RSPO3: variants seen among roughly 807,000 people sequenced by gnomAD.
RSPO3 encodes R-spondin-3.
Under a neutral mutation model 36.5 loss-of-function variants are expected in RSPO3, and 17 were observed. That is an observed-to-expected ratio of 0.47 (90% CI 0.32 to 0.70). The LOEUF is 0.70. Ranked by LOEUF, RSPO3 falls within the 30% of genes least tolerant of loss-of-function variation. RSPO3 has a pLI of 0.04. For missense variants in RSPO3, 294 were observed against 322.5 expected (o/e 0.91, Z 0.68); for synonymous variants, 108 against 107.0 (o/e 1.01, Z -0.06).
chr6:127,144,640 C>CTTTTTTTTTTTTTTTT lies in RSPO3; in HGVS notation c.98-4006_98-4005insTTTTTTTTTTTTTTTT, dbSNP rs140423963. Among the ~76,000 whole-genome samples, 71 of 61,282 alleles carry CTTTTTTTTTTTTTTTT rather than the reference C, an allele frequency of 1.2e-3. 1 individual carries two copies. The highest frequency in any genetic ancestry group is 2.4e-3 in the East Asian group (5 of 2,086). The allele number at this position is 61,282 out of a possible 152,430, so 40.2% of individuals were successfully genotyped here. A position where few individuals can be genotyped will look rare whatever the true frequency, so the allele number is the denominator to read the frequency against. On this transcript the variant is annotated intron_variant, in intron 1 of 4. Transcript: ENST00000356698. Reference sequence around the variant, plus strand: ...TTCTGTAATTTTTCAGTAGCTTCCCCTTGTTTTTTTTTTTTTCAGACAGAG... The same window carrying CTTTTTTTTTTTTTTTT: ...TTCTGTAATTTTTCAGTAGCTTCCCCTTTTTTTTTTTTTTTTTTGTTTTTTTTTTTTTCAGACAGAG...
At chr6:127,140,528 A>G (rs1214373449) in intron 1 of RSPO3, among the ~76,000 whole-genome samples, 1 of 152,192 alleles carries the variant, frequency 6.6e-6, no homozygotes, top group Admixed American at 6.5e-5. Context: ...TGCTAGTTAG[A>G]ACATTTTCAT....
At position 127,171,805 on chromosome 6, in the gene RSPO3, A is replaced by G. The variant is rs554618697; in HGVS notation, c.634+16367A>G. Among the ~76,000 whole-genome samples the G allele has an allele frequency of 4.1e-4, 62 of 151,818 alleles. No homozygotes were observed. The South Asian group carries it at 4.6e-3, about 11-fold the overall frequency. ...AGGAGCTTGGGAGAACTACTCTGAA[A>G]ACTTTTTATATAAACTCTAAGGAGG... On this transcript the variant is annotated intron_variant, in intron 4 of 4. Coordinates refer to ENST00000356698, the MANE Select transcript of RSPO3 (RefSeq NM_032784.5).
intron 4 of RSPO3, among the ~76,000 whole-genome samples, chr6:127,189,525 T>C (rs146331664): frequency 3.0e-4 from 46 of 152,292 alleles, no homozygotes; most frequent in African/African-American, 1.0e-3. Context: ...TCCTAAAGTT[T>C]ATACTCAGTG....
At chr6:127,160,811 C>T (rs1774695902) in intron 4 of RSPO3, among the ~76,000 whole-genome samples, 1 of 152,128 alleles carries the variant, frequency 6.6e-6, no homozygotes, top group African/African-American at 2.4e-5. Flanking sequence ...AACCCTGCCT[C>T]CAGAGTCAAG....
At chr6:127,175,248 G>T (rs2114623719) in intron 4 of RSPO3, among the ~76,000 whole-genome samples, 1 of 151,160 alleles carries the variant, frequency 6.6e-6, no homozygotes, top group African/African-American at 2.4e-5. Flanking sequence ...GTTTTATTTT[G>T]GTTATTTGTC....
intron 4 of RSPO3, among the ~76,000 whole-genome samples, chr6:127,168,699 C>T (rs949405802): frequency 5.9e-5 from 9 of 152,000 alleles, no homozygotes; most frequent in African/African-American, 2.2e-4. Context: ...ATGGTATTGC[C>T]TAGGTTTTCT....
intron 1 of RSPO3, among the ~76,000 whole-genome samples, chr6:127,138,903 A>G (rs979537791): frequency 2.6e-5 from 4 of 152,082 alleles, no homozygotes; most frequent in Admixed American, 6.6e-5. Flanking sequence ...TCAAAACCAG[A>G]CTCTAAATGA....
At chr6:127,131,226 A>C (rs1774048483) in intron 1 of RSPO3, among the ~76,000 whole-genome samples, 1 of 152,092 alleles carries the variant, frequency 6.6e-6, no homozygotes, top group Non-Finnish European at 1.5e-5. Context: ...ACCTGTGGGC[A>C]TTATGTGACC....
chr6:127,119,227 T>C lies in RSPO3; in HGVS notation c.35T>C (p.Ile12Thr). The C allele has an allele frequency of 6.2e-7, 1 of 1,613,992 alleles. No individual in the cohort carries two copies. The highest frequency in any genetic ancestry group is 8.5e-7 in the Non-Finnish European group (1 of 1,179,900). ...HLRLISWLFIILNFMEYIGSQ... is the reference protein window; with the variant it reads ...HLRLISWLFITLNFMEYIGSQ... ...CGACTGATTTCTTGGCTTTTTATCATTTTGAACTTTATGGAATACATCGGC... is the reference window on the plus strand; with the variant it reads ...CGACTGATTTCTTGGCTTTTTATCACTTTGAACTTTATGGAATACATCGGC... Residue 12 changes from isoleucine to threonine, a missense_variant, in exon 1 of 5, where the codon ATT becomes ACT. Physicochemically the swap from Ile to Thr is moderately conservative, Grantham distance 89. Coordinates refer to ENST00000356698, the MANE Select transcript of RSPO3 (RefSeq NM_032784.5).
At chr6:127,187,300 T>G (rs1391517155) in intron 4 of RSPO3, among the ~76,000 whole-genome samples, 1 of 152,162 alleles carries the variant, frequency 6.6e-6, no homozygotes, top group Non-Finnish European at 1.5e-5. Flanking sequence ...GACGCCCCAC[T>G]GACTAAATTT....
intron 1 of RSPO3, among the ~76,000 whole-genome samples, chr6:127,133,799 C>T (rs916091413): frequency 2.6e-5 from 4 of 152,226 alleles, no homozygotes; most frequent in Admixed American, 6.5e-5. Context: ...CAATATCATA[C>T]ATTCATTTAT....
intron 1 of RSPO3, among the ~76,000 whole-genome samples, chr6:127,123,444 G>C (rs1773884406): frequency 6.6e-6 from 1 of 152,086 alleles, no homozygotes; most frequent in South Asian, 2.1e-4. Context: ...TGTAACAGCT[G>C]TATAAATCAA....
At chr6:127,162,189 A>G (rs949258651) in intron 4 of RSPO3, among the ~76,000 whole-genome samples, 4 of 152,172 alleles carry the variant, frequency 2.6e-5, no homozygotes, top group African/African-American at 4.8e-5. Flanking sequence ...CTGTCAGCCT[A>G]TACTAGTCAT....
intron 1 of RSPO3, among the ~76,000 whole-genome samples, chr6:127,139,116 C>G (rs1774218763): frequency 6.6e-6 from 1 of 152,204 alleles, no homozygotes; most frequent in African/African-American, 2.4e-5. Flanking sequence ...ATCATACTTA[C>G]AAAGGTGCAT....
chr6:127,199,032 AG>A lies in RSPO3; in HGVS notation c.*3026del, dbSNP rs1775568737. On this transcript the variant is annotated 3_prime_UTR_variant, in exon 5 of 5. Transcript: ENST00000356698. ...GGGAAGAAAAAGCATATATAAATAC[AG>A]CTAAAAACAAGAATAGATATTCATT... Among the ~76,000 whole-genome samples the A allele has an allele frequency of 6.6e-6, 1 of 152,244 alleles. No homozygotes were observed. Among genetic ancestry groups the A allele is most frequent in the Non-Finnish European group, 1.5e-5 (1 of 68,038 alleles).
intron 4 of RSPO3, among the ~76,000 whole-genome samples, chr6:127,191,354 G>C (rs915272412): frequency 4.6e-5 from 7 of 152,116 alleles, no homozygotes; most frequent in Non-Finnish European, 1.0e-4. Context: ...AACTGGGGGG[G>C]AGGGGTGTGA....
Position 127,197,379 on chromosome 6 carries a change from C to T in RSPO3, c.*1372C>T. 6.5e-7 allele frequency: 1 copy of T among 1,548,482 alleles called. No homozygotes were observed. The highest frequency in any genetic ancestry group is 2.4e-5 in the East Asian group (1 of 40,898). On this transcript the variant is annotated 3_prime_UTR_variant, in exon 5 of 5. Coordinates refer to ENST00000356698, the MANE Select transcript of RSPO3 (RefSeq NM_032784.5). ...ATGTCAGATCCCCCTGCATCTTCAA[C>T]ATTTAGTCTTTTCTTCTCCATATTT...
intron 4 of RSPO3, among the ~76,000 whole-genome samples, chr6:127,189,194 G>T (rs1456462188): frequency 6.6e-6 from 1 of 152,046 alleles, no homozygotes; most frequent in Non-Finnish European, 1.5e-5. Flanking sequence ...CTGCAGCAGG[G>T]TCCTAATTGG....
At chr6:127,154,981 G>C (rs530570274) in intron 3 of RSPO3, among the ~76,000 whole-genome samples, 2 of 152,228 alleles carry the variant, frequency 1.3e-5, no homozygotes, top group Non-Finnish European at 2.9e-5. Flanking sequence ...ATTAATGTTA[G>C]TGCCTGTGTT....
Sources: allele counts gnomAD v4.1 joint callset (sites outside exome capture counted in the v4.1 genomes callset), GRCh38; gene constraint gnomAD v4.1.1; transcripts MANE v1.5; gene names NCBI Gene and HGNC (gene_info 2026-07-23, HGNC 2026-07-21).